The following PIK3R3 variants were observed in gnomAD, a reference collection of about 807,000 sequenced individuals.
PIK3R3 encodes the protein phosphatidylinositol 3-kinase regulatory subunit gamma.
A neutral mutation model predicts 62.9 loss-of-function variants in PIK3R3; 64 were observed. That is an observed-to-expected ratio of 1.02 (90% CI 0.83 to 1.25). The LOEUF is 1.25. Among genes scored for constraint, PIK3R3 ranks in the 50% most tolerant of loss-of-function variants. The probability of loss-of-function intolerance (pLI) is 0.00; values close to 1 mark genes in which losing one functional copy is unlikely to be tolerated. For synonymous variants in PIK3R3, 165 were observed against 189.0 expected, an observed-to-expected ratio of 0.87 and a Z score of 1.04; for missense variants, 614 against 561.6, an observed-to-expected ratio of 1.09 and a Z score of -0.94.
intron 1 of PIK3R3, among the ~76,000 whole-genome samples, chr1:46,114,160 T>C (rs1470168373): frequency 6.6e-6 from 1 of 152,192 alleles, no homozygotes; most frequent in Non-Finnish European, 1.5e-5. Context: ...ACTGTGACTA[T>C]GCAAGTGCTC....
At chr1:46,047,340 A>C (rs1612092) in intron 7 of PIK3R3, among the ~76,000 whole-genome samples, 65,352 of 151,294 alleles carry the variant, frequency 0.43, 14,259 homozygotes, top group African/African-American at 0.45. Flanking sequence ...AGGGAGGCTG[A>C]GGCAGGAGAA....
chr1:46,172,649 C>T, the PIK3R3 span, among the ~76,000 whole-genome samples: 1 of 152,150 alleles, frequency 6.6e-6, no homozygotes, highest in Non-Finnish European at 1.5e-5. Flanking sequence ...AAGGTCAGGT[C>T]ACTGCACTCC....
chr1:46,147,117 TA>T, the PIK3R3 span, among the ~76,000 whole-genome samples: 1 of 152,186 alleles, frequency 6.6e-6, no homozygotes, highest in Non-Finnish European at 1.5e-5. Flanking sequence ...TTATTTTATT[TA>T]TTTTTTGAGA....
the PIK3R3 span, among the ~76,000 whole-genome samples, chr1:46,143,626 C>T: frequency 6.6e-6 from 1 of 151,962 alleles, no homozygotes; most frequent in Non-Finnish European, 1.5e-5. Flanking sequence ...TAGCACATGC[C>T]ACCATGCCCA....
At chr1:46,107,523 C>A (rs1653334293) in intron 1 of PIK3R3, among the ~76,000 whole-genome samples, 1 of 152,158 alleles carries the variant, frequency 6.6e-6, no homozygotes, top group South Asian at 2.1e-4. Flanking sequence ...CCACTGCACT[C>A]CAGCCTGGGT....
At position 46,109,629 on chromosome 1, in the gene PIK3R3, G is replaced by A. The variant is rs563422422; in HGVS notation, c.106+22218C>T. 1.5e-3 allele frequency among the ~76,000 whole-genome samples: 225 copies of A among 151,736 alleles called. 2 individuals carry two copies. The highest frequency in any genetic ancestry group is 5.3e-3 in the African/African-American group (220 of 41,340). On this transcript the variant is annotated intron_variant, in intron 1 of 9. Transcript: ENST00000262741. ...CTCCCGAGTAGCTGGGATTACAGGC[G>A]CCCGCCAACACCCCCGGCTAGTTTT...
At chr1:46,107,967 G>A (rs1288027962) in intron 1 of PIK3R3, among the ~76,000 whole-genome samples, 3 of 152,140 alleles carry the variant, frequency 2.0e-5, no homozygotes, top group Non-Finnish European at 4.4e-5. Context: ...CTGTGACCCT[G>A]AACAATTCAC....
rs554213809 is a variant in PIK3R3 at position 46,130,313 on chromosome 1, T to C, written c.106+1534A>G. Among the ~76,000 whole-genome samples, 7 of 152,346 alleles carry C rather than the reference T, an allele frequency of 4.6e-5. No individual in the cohort carries two copies. The South Asian group carries it at 1.2e-3, about 27-fold the overall frequency. On this transcript the variant is annotated intron_variant, in intron 1 of 9. Transcript: ENST00000262741. ...GTGATGTACTAAATTTCTATTCATA[T>C]GTATGACAAATGTATCTAACATGCT...
At chr1:46,110,844 G>A (rs1019483630) in intron 1 of PIK3R3, among the ~76,000 whole-genome samples, 2 of 150,536 alleles carry the variant, frequency 1.3e-5, no homozygotes, top group South Asian at 2.1e-4. Context: ...GAGGGGGGAG[G>A]GTCAGCCTGG....
At chr1:46,045,284 CTT>C (rs915828846) in intron 9 of PIK3R3, among the ~76,000 whole-genome samples, 41 of 152,294 alleles carry the variant, frequency 2.7e-4, no homozygotes, top group Admixed American at 2.7e-3. Flanking sequence ...CATCATAACT[CTT>C]TTCTAAGTGT....
the PIK3R3 span, among the ~76,000 whole-genome samples, chr1:46,145,366 C>T: frequency 2.1e-5 from 1 of 47,508 alleles, no homozygotes; most frequent in African/African-American, 7.3e-5. Context: ...GGCTGGATAA[C>T]TTTTTAAAAA....
chr1:46,129,890 A>G (rs975673388), intron 1 of PIK3R3, among the ~76,000 whole-genome samples: 1 of 152,218 alleles, frequency 6.6e-6, no homozygotes, highest in African/African-American at 2.4e-5. Flanking sequence ...AGTATTCTCA[A>G]TAGAATCTCA....
At chr1:46,173,251 A>T in the PIK3R3 span, among the ~76,000 whole-genome samples, 2 of 152,212 alleles carry the variant, frequency 1.3e-5, no homozygotes, top group Non-Finnish European at 2.9e-5. Context: ...GGCAGAGAAC[A>T]TCATCGCAAA....
rs1557544600 is a variant in PIK3R3 at position 46,043,698 on chromosome 1, G to A, written c.1361C>T (p.Ala454Val). The change falls in exon 10 of 10, where the codon GCA (alanine) becomes GTA (valine). Residue 454 changes from alanine to valine, a missense_variant. Ala to Val is a moderately conservative substitution (Grantham distance 64, BLOSUM62 0). Coordinates refer to ENST00000262741, the MANE Select transcript of PIK3R3 (RefSeq NM_003629.4). ...LNVRLAYPVH[A>V]QMPSLCR ...TTATCTGCAAAGCGAGGGCATCTGT[G>A]CATGAACAGGGTAGGCAAGCCTGAC... 2 of 1,614,186 alleles carry A rather than the reference G, an allele frequency of 1.2e-6. No homozygotes were observed. Among genetic ancestry groups the A allele is most frequent in the Non-Finnish European group, 1.7e-6 (2 of 1,180,006 alleles).
chr1:46,127,679 A>G (rs939711200), intron 1 of PIK3R3, among the ~76,000 whole-genome samples: 1 of 152,162 alleles, frequency 6.6e-6, no homozygotes, highest in Non-Finnish European at 1.5e-5. Flanking sequence ...CAAGATGCTT[A>G]TAGGCGATTC....
At chr1:46,066,003 G>T (rs1437545205) in intron 5 of PIK3R3, 51 bp downstream of exon 5, 3 of 1,542,870 alleles carry the variant, frequency 1.9e-6, no homozygotes, top group East Asian at 2.3e-5. Context: ...AAAATTTGAT[G>T]TAACTAAAAC....
chr1:46,136,415 G>T (rs1655934148), upstream of PIK3R3, among the ~76,000 whole-genome samples: 2 of 152,288 alleles, frequency 1.3e-5, no homozygotes, highest in Middle Eastern at 3.4e-3. Flanking sequence ...AAAATCAATA[G>T]TCATCTCTTG....
At chr1:46,091,064 A>C (rs1436920500) in intron 1 of PIK3R3, among the ~76,000 whole-genome samples, 2 of 151,884 alleles carry the variant, frequency 1.3e-5, no homozygotes, top group African/African-American at 2.4e-5. Context: ...TCCTGGGTTC[A>C]AGTCATCTTC....
At chr1:46,147,299 T>G in the PIK3R3 span, among the ~76,000 whole-genome samples, 175 of 152,272 alleles carry the variant, frequency 1.1e-3, 1 homozygote, top group African/African-American at 3.9e-3. Context: ...AGACTGGGTT[T>G]CACCAATGTT....
Sources: allele counts gnomAD v4.1 joint callset (sites outside exome capture counted in the v4.1 genomes callset), GRCh38; gene constraint gnomAD v4.1.1; transcripts MANE v1.5; gene names NCBI Gene and HGNC (gene_info 2026-07-23, HGNC 2026-07-21).